The following ADARB2 variants were observed in gnomAD, a reference collection of about 807,000 sequenced individuals.
ADARB2 encodes inactive double-stranded RNA-specific editase B2.
ADARB2 carries 25 observed loss-of-function variants against 62.2 expected under a neutral mutation model. That is an observed-to-expected ratio of 0.40 (90% CI 0.29 to 0.56). ADARB2 has a LOEUF of 0.56. Ranked by LOEUF, ADARB2 falls within the 20% of genes least tolerant of loss-of-function variation. The pLI is 0.43. For missense variants in ADARB2, 1,071 were observed against 1,077.4 expected (o/e 0.99, Z 0.08); for synonymous variants, 572 against 500.8 (o/e 1.14, Z -1.90).
At chr10:1,523,528 C>T (rs940612884) in intron 1 of ADARB2, among the ~76,000 whole-genome samples, 2 of 152,208 alleles carry the variant, frequency 1.3e-5, no homozygotes, top group African/African-American at 2.4e-5. Context: ...AATAGCACCT[C>T]GGTCTCATTC....
At chr10:1,538,278 GC>G (rs1029834363) in intron 1 of ADARB2, among the ~76,000 whole-genome samples, 2 of 152,348 alleles carry the variant, frequency 1.3e-5, no homozygotes. Flanking sequence ...GAAGGAGGGA[GC>G]CCGTGGGTCT....
intron 6 of ADARB2, among the ~76,000 whole-genome samples, chr10:1,231,120 C>T (rs548603604): frequency 5.3e-4 from 80 of 152,184 alleles, no homozygotes; most frequent in East Asian, 2.3e-3. Context: ...GGGTCTCAGG[C>T]GTGGACAAGG....
At chr10:1,356,523 C>T (rs1225424459) in intron 3 of ADARB2, among the ~76,000 whole-genome samples, 1 of 152,220 alleles carries the variant, frequency 6.6e-6, no homozygotes, top group African/African-American at 2.4e-5. Context: ...CGAGGCTCTG[C>T]TTGTCCCCAG....
chr10:1,183,207 G>A lies in ADARB2; in HGVS notation c.2206C>T (p.Leu736=). The change falls in exon 10 of 10, where the codon CTA becomes TTA. Residue 736 remains leucine (L), a synonymous_variant. Transcript: ENST00000381312. ...GAGCCCGCAGCCTAGAGAGTCAGTA[G>A]AAACTGCTGCTGCTCCGGTGGTTTC... ...VRKPPEQQQF[L]LTL The A allele has an allele frequency of 6.2e-7, 1 of 1,613,304 alleles. No individual in the cohort carries two copies. Among genetic ancestry groups the A allele is most frequent in the Non-Finnish European group, 8.5e-7 (1 of 1,179,972 alleles).
At chr10:1,543,456 G>C (rs940654019) in intron 1 of ADARB2, among the ~76,000 whole-genome samples, 12 of 152,198 alleles carry the variant, frequency 7.9e-5, no homozygotes, top group Admixed American at 6.5e-4. Flanking sequence ...TCTAAAAAGA[G>C]ATCAATTAAA....
chr10:1,308,922 T>G (rs979209845), intron 3 of ADARB2, among the ~76,000 whole-genome samples: 45 of 152,226 alleles, frequency 3.0e-4, no homozygotes, highest in Non-Finnish European at 1.2e-4. Context: ...GATAAACAGA[T>G]GCAGTTTCTT....
At chr10:1,378,122 CT>C (rs1832450532) in intron 2 of ADARB2, among the ~76,000 whole-genome samples, 1 of 152,184 alleles carries the variant, frequency 6.6e-6, no homozygotes, top group Non-Finnish European at 1.5e-5. Flanking sequence ...GTCTCGTCTT[CT>C]TTGTTAAATG....
intron 1 of ADARB2, among the ~76,000 whole-genome samples, chr10:1,727,895 A>C (rs1033122749): frequency 6.6e-6 from 1 of 152,236 alleles, no homozygotes; most frequent in African/African-American, 2.4e-5. Context: ...TAAATAAATA[A>C]ATAAGACTCA....
intron 1 of ADARB2, among the ~76,000 whole-genome samples, chr10:1,451,732 G>A (rs1831042560): frequency 6.6e-6 from 1 of 152,108 alleles, no homozygotes; most frequent in Non-Finnish European, 1.5e-5. Context: ...ACCCATATGA[G>A]GAGGAAGTAT....
intron 3 of ADARB2, among the ~76,000 whole-genome samples, chr10:1,286,584 C>G (rs1029200818): frequency 1.3e-5 from 2 of 152,154 alleles, no homozygotes; most frequent in Non-Finnish European, 2.9e-5. Flanking sequence ...GGGAAAAGCC[C>G]TAAACTTGGG....
chr10:1,313,986 G>A (rs1031688482), intron 3 of ADARB2, among the ~76,000 whole-genome samples: 3 of 152,150 alleles, frequency 2.0e-5, no homozygotes, highest in Non-Finnish European at 4.4e-5. Context: ...CATTCTGCAG[G>A]GCAATCTCCA....
At chr10:1,395,908 T>C (rs551447428) in intron 1 of ADARB2, among the ~76,000 whole-genome samples, 3 of 152,356 alleles carry the variant, frequency 2.0e-5, no homozygotes, top group Admixed American at 2.0e-4. Context: ...TATTTTCTAC[T>C]GAGCTTCTTT....
intron 3 of ADARB2, among the ~76,000 whole-genome samples, chr10:1,301,322 C>T (rs1310986089): frequency 8.4e-6 from 1 of 118,880 alleles, no homozygotes; most frequent in Non-Finnish European, 2.0e-5. Flanking sequence ...AATTAAGTGG[C>T]CAAGCAAAAG....
chr10:1,651,326 CA>C (rs1357252998), intron 1 of ADARB2, among the ~76,000 whole-genome samples: 1 of 152,256 alleles, frequency 6.6e-6, no homozygotes, highest in Non-Finnish European at 1.5e-5. Context: ...CCCATCTGGG[CA>C]AGGTCTCCAA....
At chr10:1,354,664 A>G (rs1832176698) in intron 3 of ADARB2, among the ~76,000 whole-genome samples, 1 of 152,146 alleles carries the variant, frequency 6.6e-6, no homozygotes, top group Non-Finnish European at 1.5e-5. Flanking sequence ...CATCCTTGGG[A>G]TGGGGAAGGT....
intron 5 of ADARB2, among the ~76,000 whole-genome samples, chr10:1,234,688 TGCCCCAG>T (rs1046039699): frequency 6.8e-6 from 1 of 147,860 alleles, no homozygotes; most frequent in Non-Finnish European, 1.5e-5. Context: ...GCGATCCACT[TGCCCCAG>T]GCTCCGAAAG....
chr10:1,717,746 T>G (rs1835039798), intron 1 of ADARB2, among the ~76,000 whole-genome samples: 1 of 151,848 alleles, frequency 6.6e-6, no homozygotes, highest in African/African-American at 2.4e-5. Context: ...CTGGACTAAC[T>G]TTTGTATTTT....
intron 1 of ADARB2, among the ~76,000 whole-genome samples, chr10:1,617,313 A>G (rs77312764): frequency 2.1e-4 from 17 of 79,100 alleles, no homozygotes; most frequent in Non-Finnish European, 2.3e-4. Context: ...GACACACTCC[A>G]CACCGCCCTG....
intron 1 of ADARB2, among the ~76,000 whole-genome samples, chr10:1,492,902 C>T (rs1005194727): frequency 1.3e-5 from 2 of 152,100 alleles, no homozygotes; most frequent in African/African-American, 4.8e-5. Flanking sequence ...AAACACAGGT[C>T]GCTGCTGACA....
Sources: allele counts gnomAD v4.1 joint callset (sites outside exome capture counted in the v4.1 genomes callset), GRCh38; gene constraint gnomAD v4.1.1; transcripts MANE v1.5; gene names NCBI Gene and HGNC (gene_info 2026-07-23, HGNC 2026-07-21).